NEGR1: variants seen among roughly 807,000 people sequenced by gnomAD.
NEGR1 encodes the protein neuronal growth regulator 1.
In NEGR1, 10 loss-of-function variants were observed where a neutral mutation model predicts 40.9. The ratio of observed to expected loss-of-function variants is 0.24; its 90% CI spans 0.15 to 0.42. The LOEUF is 0.42. Ranked by LOEUF, NEGR1 falls within the 10% of genes least tolerant of loss-of-function variation. NEGR1 has a pLI of 1.00. For missense variants in NEGR1, 352 were observed against 438.9 expected, an observed-to-expected ratio of 0.80 and a Z score of 1.77; for synonymous variants, 185 against 166.8, an observed-to-expected ratio of 1.11 and a Z score of -0.84.
chr1:72,235,144 G>A (rs1310675211), intron 1 of NEGR1, among the ~76,000 whole-genome samples: 2 of 152,170 alleles, frequency 1.3e-5, no homozygotes, highest in East Asian at 3.9e-4. Context: ...GAATATGAAA[G>A]AACATGGAAA....
chr1:71,946,714 T>C (rs140697880), intron 1 of NEGR1, among the ~76,000 whole-genome samples: 2,496 of 152,154 alleles, frequency 0.016, 82 homozygotes, highest in African/African-American at 0.057. Context: ...AAATATGTCT[T>C]GTGAACATAC....
chr1:72,260,479 A>G (rs1253419821), intron 1 of NEGR1, among the ~76,000 whole-genome samples: 2 of 152,142 alleles, frequency 1.3e-5, no homozygotes, highest in African/African-American at 4.8e-5. Context: ...TTATAAAAAT[A>G]AGTCCTCAAA....
chr1:72,184,607 A>T (rs1652546002), intron 1 of NEGR1, among the ~76,000 whole-genome samples: 1 of 152,056 alleles, frequency 6.6e-6, no homozygotes, highest in African/African-American at 2.4e-5. Context: ...TTAGATAAAA[A>T]ACATGTTAGT....
intron 2 of NEGR1, among the ~76,000 whole-genome samples, chr1:71,819,788 G>A (rs1658359599): frequency 6.6e-6 from 1 of 151,998 alleles, no homozygotes. Context: ...GTAGGCTCTG[G>A]AGGAAAGGGA....
chr1:72,258,415 G>A (rs537097770), intron 1 of NEGR1, among the ~76,000 whole-genome samples: 21 of 152,088 alleles, frequency 1.4e-4, no homozygotes, highest in African/African-American at 3.4e-4. Flanking sequence ...ACCCTAGAAG[G>A]GCATTGTTTC....
intron 4 of NEGR1, among the ~76,000 whole-genome samples, chr1:71,675,356 C>T (rs967831012): frequency 1.8e-4 from 27 of 150,436 alleles, no homozygotes; most frequent in African/African-American, 6.6e-4. Context: ...GGGAGCAGTA[C>T]AAGAATAATT....
intron 1 of NEGR1, among the ~76,000 whole-genome samples, chr1:71,935,524 AGTGT>A (rs3061582): frequency 0.16 from 23,752 of 149,300 alleles, 2,091 homozygotes; most frequent in East Asian, 0.43. Context: ...TTAAGTGTGT[AGTGT>A]GTGTGTGTGT....
intron 5 of NEGR1, among the ~76,000 whole-genome samples, chr1:71,606,310 G>A (rs1273168447): frequency 2.0e-5 from 3 of 152,080 alleles, no homozygotes; most frequent in African/African-American, 2.4e-5. Context: ...TACTTGTTGG[G>A]CATGTGGGTC....
intron 3 of NEGR1, among the ~76,000 whole-genome samples, chr1:71,760,005 AG>A (rs1316866920): frequency 6.6e-6 from 1 of 152,120 alleles, no homozygotes; most frequent in African/African-American, 2.4e-5. Context: ...AAAATCAATA[AG>A]GGAAAGACTC....
chr1:72,073,344 T>C (rs1438233136), intron 1 of NEGR1, among the ~76,000 whole-genome samples: 1 of 152,150 alleles, frequency 6.6e-6, no homozygotes, highest in East Asian at 1.9e-4. Flanking sequence ...GGAGTATGTT[T>C]CATTCCTAAA....
chr1:71,621,832 A>T (rs1570116184), intron 4 of NEGR1, among the ~76,000 whole-genome samples: 1 of 151,994 alleles, frequency 6.6e-6, no homozygotes, highest in East Asian at 1.9e-4. Context: ...ATCATTAGTC[A>T]TTATATTGTG....
intron 3 of NEGR1, among the ~76,000 whole-genome samples, chr1:71,713,005 C>T (rs1181524417): frequency 2.0e-5 from 3 of 152,300 alleles, no homozygotes; most frequent in East Asian, 3.9e-4. Flanking sequence ...ATGTTTTCTT[C>T]ATTAATTACC....
At chr1:71,814,749 G>A (rs1284385187) in intron 2 of NEGR1, among the ~76,000 whole-genome samples, 2 of 152,074 alleles carry the variant, frequency 1.3e-5, no homozygotes, top group African/African-American at 2.4e-5. Flanking sequence ...TGTGGGGTCC[G>A]TGGTGATATC....
chr1:72,218,789 C>T (rs1343857119), intron 1 of NEGR1, among the ~76,000 whole-genome samples: 1 of 151,844 alleles, frequency 6.6e-6, no homozygotes, highest in African/African-American at 2.4e-5. Flanking sequence ...GAGGATGTGA[C>T]AGTTAAAAGA....
intron 2 of NEGR1, among the ~76,000 whole-genome samples, chr1:71,907,929 C>T (rs190522704): frequency 6.6e-6 from 1 of 152,196 alleles, no homozygotes; most frequent in East Asian, 1.9e-4. Context: ...CATGTTCTCA[C>T]TTACAAGTGG....
At chr1:71,926,563 C>T (rs774303799) in intron 2 of NEGR1, among the ~76,000 whole-genome samples, 5 of 151,090 alleles carry the variant, frequency 3.3e-5, no homozygotes, top group Non-Finnish European at 5.9e-5. Flanking sequence ...CTCCTTTCTG[C>T]TATGAACTCA....
At chr1:72,005,380 C>A (rs1646598054) in intron 1 of NEGR1, among the ~76,000 whole-genome samples, 1 of 152,004 alleles carries the variant, frequency 6.6e-6, no homozygotes, top group Non-Finnish European at 1.5e-5. Context: ...TGAATCTCAG[C>A]CACACTTACA....
At chr1:72,134,127 G>C (rs1650358118) in intron 1 of NEGR1, among the ~76,000 whole-genome samples, 1 of 151,576 alleles carries the variant, frequency 6.6e-6, no homozygotes, top group South Asian at 2.1e-4. Context: ...TTTATTGAAA[G>C]ATGTATTTAA....
At chr1:71,768,379 G>GA (rs1656202772) in intron 3 of NEGR1, among the ~76,000 whole-genome samples, 1 of 152,156 alleles carries the variant, frequency 6.6e-6, no homozygotes, top group African/African-American at 2.4e-5. Flanking sequence ...TTATTTTGAA[G>GA]TTTTGAGATT....
Sources: gnomAD v4.1 joint callset for allele counts (sites outside exome capture counted in the v4.1 genomes callset) on GRCh38, gnomAD v4.1.1 for gene constraint, MANE v1.5 for transcripts, NCBI Gene and HGNC (gene_info 2026-07-23, HGNC 2026-07-21) for gene names.